The following DMD variants were observed in gnomAD, a reference collection of about 807,000 sequenced individuals.
DMD encodes the protein dystrophin.
A neutral mutation model predicts 330.1 loss-of-function variants in DMD; 63 were observed. The ratio of observed to expected loss-of-function variants is 0.19; its 90% confidence interval spans 0.16 to 0.24. The LOEUF (loss-of-function observed/expected upper bound fraction) is 0.24, where lower values mean the gene tolerates loss of function less well. Among genes scored for constraint, DMD ranks in the 10% least tolerant of loss-of-function variants. The pLI is 1.00. For synonymous variants in DMD, 1,223 were observed against 959.8 expected (o/e 1.27, Z -5.07); for missense variants, 3,344 against 2,684.1 (o/e 1.25, Z -5.43).
At chrX:31,332,839 TTA>T (rs1185572487) in intron 61 of DMD, among the ~76,000 whole-genome samples, 1 of 111,724 alleles carries the variant, frequency 9.0e-6, no homozygotes, top group Non-Finnish European at 1.9e-5. Flanking sequence ...ACTCCTACGT[TTA>T]TAATTATTTT....
intron 44 of DMD, among the ~76,000 whole-genome samples, chrX:32,209,072 C>T (rs1299167619): frequency 2.7e-5 from 3 of 111,436 alleles, no homozygotes; most frequent in Non-Finnish European, 3.8e-5. Flanking sequence ...AATTTTTCTA[C>T]GTACCGAGGT....
rs773894352 is a variant in DMD at position 31,889,647 on chromosome X, TCACA to T, written c.6913-14278_6913-14275del. Among the ~76,000 whole-genome samples the T allele has an allele frequency of 6.8e-3, 486 of 71,506 alleles. 3 individuals carry two copies. Among genetic ancestry groups the T allele is most frequent in the Middle Eastern group, 0.029 (4 of 137 alleles). The allele number at this position is 71,506 out of a possible 115,157, so 62.1% of individuals were successfully genotyped here. A position where few individuals can be genotyped will look rare whatever the true frequency, so the allele number is the denominator to read the frequency against. On this transcript the variant is annotated intron_variant, in intron 47 of 78. Transcript: ENST00000357033. ...CTCTCTCTCTCTCTCTCTCTCTCTC[TCACA>T]CACACACACACACACACACACACAC...
chrX:31,522,325 T>TTCTCTCTCTCTCTCTCTCTCTC (rs1193302041), intron 55 of DMD, among the ~76,000 whole-genome samples: 5 of 51,331 alleles, frequency 9.7e-5, no homozygotes, highest in African/African-American at 4.4e-4. Context: ...AGATCAAAAT[T>TTCTCTCTCTCTCTCTCTCTCTC]TCTCTCTCTC....
At chrX:32,756,506 C>T (rs1024888001) in intron 7 of DMD, 1 of 111,160 alleles carries the variant, frequency 9.0e-6, no homozygotes, top group Non-Finnish European at 1.9e-5. Flanking sequence ...TTTAAATAAC[C>T]CTATGGGCAA....
chrX:32,480,105 G>A (rs973896374), intron 21 of DMD, among the ~76,000 whole-genome samples: 1 of 111,424 alleles, frequency 9.0e-6, no homozygotes, highest in African/African-American at 3.3e-5. Context: ...CAAGGGATAT[G>A]AACAGACATT....
intron 41 of DMD, among the ~76,000 whole-genome samples, chrX:32,331,411 CATTAT>C (rs969334259): frequency 1.3e-4 from 14 of 111,591 alleles, no homozygotes; most frequent in African/African-American, 4.5e-4. Flanking sequence ...TTATCAGTAA[CATTAT>C]ATGATAGTAA....
intron 44 of DMD, among the ~76,000 whole-genome samples, chrX:32,185,843 G>C (rs899813018): frequency 9.0e-6 from 1 of 110,569 alleles, no homozygotes; most frequent in African/African-American, 3.3e-5. Flanking sequence ...TGTTTATCAT[G>C]TTGCATCATG....
intron 52 of DMD, among the ~76,000 whole-genome samples, chrX:31,721,247 T>C (rs1395470606): frequency 9.0e-6 from 1 of 111,692 alleles, no homozygotes. Flanking sequence ...ATTTTATGTG[T>C]TAACTTGGCT....
At chrX:31,906,856 C>G (rs1021965483) in intron 47 of DMD, among the ~76,000 whole-genome samples, 3 of 111,953 alleles carry the variant, frequency 2.7e-5, no homozygotes, top group Non-Finnish European at 3.8e-5. Flanking sequence ...TTTATGATCT[C>G]AATTTCAGGT....
chrX:31,386,494 GTTCTGTATT>G (rs2060453222), intron 60 of DMD, among the ~76,000 whole-genome samples: 2 of 111,876 alleles, frequency 1.8e-5, no homozygotes, highest in African/African-American at 6.5e-5. Flanking sequence ...TCCCCTTTGG[GTTCTGTATT>G]ATGTAATCAT....
chrX:32,986,017 T>C (rs918200251), intron 2 of DMD, among the ~76,000 whole-genome samples: 3 of 111,660 alleles, frequency 2.7e-5, no homozygotes, highest in Non-Finnish European at 3.8e-5. Context: ...ATAAGTATTA[T>C]ACTTATTACT....
In DMD at chrX:33,116,340, A is replaced by T. The variant is rs7887259; in HGVS notation, c.31+94942T>A. On this transcript the variant is annotated intron_variant, in intron 1 of 78. Coordinates refer to ENST00000357033, the MANE Select transcript of DMD (RefSeq NM_004006.3). ...AGCCTGAGTGATAAGGCAAAACCCCATCTCTACAAAAAGTACGAAAATTAG... is the reference window on the plus strand; with the variant it reads ...AGCCTGAGTGATAAGGCAAAACCCCTTCTCTACAAAAAGTACGAAAATTAG... Among the ~76,000 whole-genome samples, 463 of 110,148 alleles carry T rather than the reference A, an allele frequency of 4.2e-3. 3 individuals carry two copies. The highest frequency in any genetic ancestry group is 0.015 in the African/African-American group (444 of 30,267).
chrX:31,880,253 A>C (rs1403950834), intron 47 of DMD, among the ~76,000 whole-genome samples: 4 of 112,010 alleles, frequency 3.6e-5, no homozygotes, highest in Non-Finnish European at 5.6e-5. Flanking sequence ...GAAGCCTTTT[A>C]GAAGCAAAAA....
intron 50 of DMD, among the ~76,000 whole-genome samples, chrX:31,804,538 A>G (rs1362933501): frequency 8.9e-6 from 1 of 112,023 alleles, no homozygotes; most frequent in Non-Finnish European, 1.9e-5. Flanking sequence ...TCTCTCTACA[A>G]TGCTTCAGTG....
intron 11 of DMD, among the ~76,000 whole-genome samples, chrX:32,626,923 GATAGGTGA>G (rs1273430175): frequency 9.5e-6 from 1 of 105,548 alleles, no homozygotes; most frequent in African/African-American, 4.0e-5. Context: ...AACTATCACA[GATAGGTGA>G]ATTAGTGGAA....
intron 7 of DMD, among the ~76,000 whole-genome samples, chrX:32,800,175 T>C (rs1482675762): frequency 1.8e-5 from 2 of 112,099 alleles, no homozygotes; most frequent in Admixed American, 9.5e-5. Flanking sequence ...TGAAATTTCT[T>C]TGGAGAGTAG....
chrX:32,625,204 T>G (rs1044274216), intron 11 of DMD, among the ~76,000 whole-genome samples: 3 of 111,907 alleles, frequency 2.7e-5, no homozygotes, highest in African/African-American at 9.7e-5. Flanking sequence ...AGGAAGGCAA[T>G]TATTCTTTAA....
chrX:31,985,417 G>T (rs185444289), intron 44 of DMD, among the ~76,000 whole-genome samples: 1 of 112,518 alleles, frequency 8.9e-6, no homozygotes, highest in Non-Finnish European at 1.9e-5. Flanking sequence ...CTTAAAATAT[G>T]AAAATCAACA....
intron 4 of DMD, among the ~76,000 whole-genome samples, chrX:32,831,573 T>A (rs773011503): frequency 5.5e-5 from 6 of 109,162 alleles, no homozygotes; most frequent in Non-Finnish European, 9.5e-5. Context: ...ATGGAAGTTC[T>A]TAGGGCAGAG....
Sources: allele counts gnomAD v4.1 joint callset (sites outside exome capture counted in the v4.1 genomes callset), GRCh38; gene constraint gnomAD v4.1.1; transcripts MANE v1.5; gene names NCBI Gene and HGNC (gene_info 2026-07-23, HGNC 2026-07-21).